The following GRM5 variants were observed in gnomAD, a reference collection of about 807,000 sequenced individuals.
The protein encoded by GRM5 is glutamate metabotropic receptor 5.
In GRM5, 19 loss-of-function variants were observed where a neutral mutation model predicts 83.1. That is an observed-to-expected ratio of 0.23 (90% CI 0.16 to 0.34). GRM5 has a LOEUF of 0.34. Among genes scored for constraint, GRM5 ranks in the 10% least tolerant of loss-of-function variants. The pLI is 1.00. For synonymous variants in GRM5, 675 were observed against 633.6 expected (o/e 1.07, Z -0.98); for missense variants, 1,160 against 1,588.3 (o/e 0.73, Z 4.58).
intron 2 of GRM5, among the ~76,000 whole-genome samples, chr11:88,883,613 G>A (rs1217959636): frequency 6.6e-6 from 1 of 152,148 alleles, no homozygotes; most frequent in Non-Finnish European, 1.5e-5. Flanking sequence ...ATTTGCATAA[G>A]TAACAAGAAG....
intron 2 of GRM5, among the ~76,000 whole-genome samples, chr11:89,030,108 A>C (rs1434723067): frequency 6.6e-6 from 1 of 152,134 alleles, no homozygotes; most frequent in Non-Finnish European, 1.5e-5. Flanking sequence ...ATCTTTTTTC[A>C]AAATAATACA....
chr11:88,725,865 A>G (rs1941667070), intron 3 of GRM5, among the ~76,000 whole-genome samples: 1 of 117,650 alleles, frequency 8.5e-6, no homozygotes, highest in African/African-American at 2.6e-5. Flanking sequence ...GATGTCCACA[A>G]AAAACTCCAT....
intron 2 of GRM5, among the ~76,000 whole-genome samples, chr11:88,851,919 C>CT (rs1944395297): frequency 6.6e-6 from 1 of 152,186 alleles, no homozygotes; most frequent in Non-Finnish European, 1.5e-5. Flanking sequence ...AGGGCACTTT[C>CT]TGAAAAATGT....
At chr11:88,654,851 T>A (rs572631543) in intron 3 of GRM5, among the ~76,000 whole-genome samples, 28 of 152,292 alleles carry the variant, frequency 1.8e-4, no homozygotes, top group African/African-American at 6.7e-4. Flanking sequence ...ATTATGTAAG[T>A]AATTAATTTA....
chr11:88,649,824 G>A (rs924733650), intron 4 of GRM5, among the ~76,000 whole-genome samples: 4 of 151,558 alleles, frequency 2.6e-5, no homozygotes, highest in Admixed American at 6.6e-5. Context: ...AAATTTCCTC[G>A]GGCTGAAAGA....
At chr11:88,844,687 A>C (rs868687686) in intron 3 of GRM5, among the ~76,000 whole-genome samples, 3 of 152,238 alleles carry the variant, frequency 2.0e-5, no homozygotes, top group Non-Finnish European at 4.4e-5. Flanking sequence ...GGTGTCATTA[A>C]GAACATTCAT....
At chr11:89,030,687 A>C (rs2135124166) in intron 2 of GRM5, among the ~76,000 whole-genome samples, 1 of 152,246 alleles carries the variant, frequency 6.6e-6, no homozygotes, top group South Asian at 2.1e-4. Context: ...AAAGTCCTTA[A>C]GATGGGTTGT....
intron 2 of GRM5, among the ~76,000 whole-genome samples, chr11:89,019,017 A>C (rs1028412421): frequency 6.6e-6 from 1 of 152,132 alleles, no homozygotes; most frequent in Non-Finnish European, 1.5e-5. Context: ...CCTTTTGCTT[A>C]TCTGAGATCA....
intron 3 of GRM5, among the ~76,000 whole-genome samples, chr11:88,778,339 G>A (rs950079089): frequency 1.3e-5 from 2 of 152,206 alleles, no homozygotes; most frequent in Non-Finnish European, 2.9e-5. Flanking sequence ...GGAGTGTCCC[G>A]TTTTTCCACA....
At chr11:88,591,514 C>T (rs2133394) in intron 6 of GRM5, among the ~76,000 whole-genome samples, 6,648 of 152,178 alleles carry the variant, frequency 0.044, 275 homozygotes, top group African/African-American at 0.11. Context: ...AAAGCCTCTC[C>T]GGAATAGACA....
intron 4 of GRM5, among the ~76,000 whole-genome samples, chr11:88,609,873 A>G (rs1938267027): frequency 6.6e-6 from 1 of 152,164 alleles, no homozygotes; most frequent in Non-Finnish European, 1.5e-5. Context: ...TAGCTCTTAC[A>G]TTTAAGTCTT....
intron 7 of GRM5, among the ~76,000 whole-genome samples, chr11:88,586,267 T>C (rs908285808): frequency 1.3e-5 from 2 of 152,220 alleles, no homozygotes; most frequent in African/African-American, 4.8e-5. Flanking sequence ...GCTAAATATA[T>C]AGGTAGACAT....
At chr11:88,939,317 T>G (rs1938006038) in intron 2 of GRM5, among the ~76,000 whole-genome samples, 1 of 151,822 alleles carries the variant, frequency 6.6e-6, no homozygotes, top group African/African-American at 2.4e-5. Flanking sequence ...TGCAAAATAA[T>G]TTTTAATCAA....
intron 3 of GRM5, among the ~76,000 whole-genome samples, chr11:88,787,146 TG>T (rs1382242247): frequency 1.5e-4 from 22 of 148,188 alleles, no homozygotes; most frequent in African/African-American, 4.8e-4. Flanking sequence ...TGTGTGTGTG[TG>T]TGTGTGTGTG....
chr11:88,854,852 C>A (rs1435515847), intron 2 of GRM5, among the ~76,000 whole-genome samples: 1 of 151,828 alleles, frequency 6.6e-6, no homozygotes, highest in Non-Finnish European at 1.5e-5. Context: ...TTTATTTGAA[C>A]TGTATATTAA....
At chr11:88,557,712 G>A (rs756953025) in intron 8 of GRM5, among the ~76,000 whole-genome samples, 2 of 149,788 alleles carry the variant, frequency 1.3e-5, no homozygotes, top group South Asian at 2.1e-4. Flanking sequence ...TTGTTTCCCA[G>A]TATGGTGTAT....
intron 3 of GRM5, among the ~76,000 whole-genome samples, chr11:88,775,992 CCTT>C: frequency 6.6e-6 from 1 of 152,220 alleles, no homozygotes; most frequent in South Asian, 2.1e-4. Context: ...TCCTGGATAT[CCTT>C]GTTAACCTTC....
chr11:88,873,945 A>G (rs568129522), intron 2 of GRM5, among the ~76,000 whole-genome samples: 13 of 151,832 alleles, frequency 8.6e-5, no homozygotes, highest in African/African-American at 3.1e-4. Flanking sequence ...ATAAACAACT[A>G]TACCCCTAAC....
intron 8 of GRM5, among the ~76,000 whole-genome samples, chr11:88,539,723 C>T (rs909277523): frequency 1.3e-5 from 2 of 152,164 alleles, no homozygotes; most frequent in South Asian, 2.1e-4. Context: ...GACCTACCTC[C>T]ATCTGGACCT....
Sources: allele counts gnomAD v4.1 joint callset (sites outside exome capture counted in the v4.1 genomes callset), GRCh38; gene constraint gnomAD v4.1.1; transcripts MANE v1.5; gene names NCBI Gene and HGNC (gene_info 2026-07-23, HGNC 2026-07-21).